The following DICER1 variants were observed in gnomAD, a reference collection of about 807,000 sequenced individuals.
The protein encoded by DICER1 is dicer 1, ribonuclease III.
Under a neutral mutation model 194.1 loss-of-function variants are expected in DICER1, and 43 were observed. The observed-to-expected ratio is 0.22, with a 90% confidence interval of 0.17 to 0.29. The LOEUF (loss-of-function observed/expected upper bound fraction) is 0.29, where lower values mean the gene tolerates loss of function less well. DICER1 is among the 10% of genes least tolerant of loss of function. The pLI is 1.00. For missense variants in DICER1, 1,608 were observed against 2,317.0 expected, an observed-to-expected ratio of 0.69 and a Z score of 6.28; for synonymous variants, 832 against 820.5, an observed-to-expected ratio of 1.01 and a Z score of -0.24.
At chr14:95,094,639 T>A (rs938688247) in intron 23 of DICER1, among the ~76,000 whole-genome samples, 8 of 152,228 alleles carry the variant, frequency 5.3e-5, no homozygotes, top group African/African-American at 1.9e-4. Context: ...TTCCTCACTA[T>A]TCCTGGGCTA....
intron 4 of DICER1, among the ~76,000 whole-genome samples, chr14:95,131,226 T>C (rs1030914302): frequency 2.0e-5 from 3 of 152,038 alleles, no homozygotes; most frequent in African/African-American, 7.3e-5. Context: ...GGTTTCACCA[T>C]ATTGGTCAGG....
chr14:95,100,761 G>A (rs117524567), intron 21 of DICER1, among the ~76,000 whole-genome samples: 1 of 152,248 alleles, frequency 6.6e-6, no homozygotes, highest in East Asian at 1.9e-4. Context: ...CTCTTCCCAT[G>A]TAACTCAACT....
rs148955573 is a variant in DICER1 at position 95,096,115 on chromosome 14, G to C, written c.4805C>G (p.Ala1602Gly). 24 of 1,614,206 alleles carry C rather than the reference G, an allele frequency of 1.5e-5. No homozygotes were observed. The African/African-American group carries it at 2.8e-4, about 19-fold the overall frequency. The change falls in exon 23 of 27, where the codon GCC (alanine) becomes GGC (glycine). Residue 1602 changes from alanine (A) to glycine (G), a missense_variant. Physicochemically the swap from Ala to Gly is moderately conservative, Grantham distance 60. Transcript: ENST00000343455. ...GAAATTCTCCCGAGTAGGGCACAGG[G>C]CCTTTTCCCGATCAGTCCTTTTAAT... ...PVIKRTDREK[A>G]LCPTRENFNS...
At chr14:95,136,322 C>A (rs8012909) in intron 1 of DICER1, among the ~76,000 whole-genome samples, 89,376 of 152,048 alleles carry the variant, frequency 0.59, 28,512 homozygotes, top group South Asian at 0.77. Flanking sequence ...TAGCCATGCT[C>A]AACTCAGCGT....
chr14:95,088,045 CTTTTTTA>C lies in DICER1; in HGVS notation c.*2446_*2452del, dbSNP rs1889480343. On this transcript the variant is annotated 3_prime_UTR_variant, in exon 27 of 27. Coordinates refer to ENST00000343455, the MANE Select transcript of DICER1 (RefSeq NM_177438.3). The stretch of plus-strand genomic sequence containing the variant: ...AACCATTTCATATGTCTAACTCGTA[CTTTTTTA>C]TTTTTTAACTCAGTAACCAGGGGAT... 1 of 232,632 alleles carries C rather than the reference CTTTTTTA, an allele frequency of 4.3e-6. No homozygotes were observed. The highest frequency in any genetic ancestry group is 2.2e-5 in the African/African-American group (1 of 45,244). 14.4% of individuals were successfully genotyped at this position (232,632 alleles called of 1,614,324 possible).
intron 8 of DICER1, 66 bp from the exon 9 acceptor site, chr14:95,117,820 G>C: frequency 6.6e-7 from 1 of 1,526,366 alleles, no homozygotes; most frequent in Non-Finnish European, 9.0e-7. Context: ...TGTTTTTAAA[G>C]CCTCCTTTAA....
At chr14:95,111,003 T>A (rs1891905219) in intron 14 of DICER1, among the ~76,000 whole-genome samples, 1 of 152,266 alleles carries the variant, frequency 6.6e-6, no homozygotes, top group South Asian at 2.1e-4. Flanking sequence ...ATCACACCAC[T>A]AAACTGAATG....
chr14:95,113,690 G>A (rs10131508), intron 11 of DICER1, among the ~76,000 whole-genome samples: 4,213 of 152,278 alleles, frequency 0.028, 195 homozygotes, highest in African/African-American at 0.095. Context: ...GGACAGCCCA[G>A]TGCTGACACA....
chr14:95,114,827 C>A (rs973121847), intron 11 of DICER1, among the ~76,000 whole-genome samples: 8 of 152,050 alleles, frequency 5.3e-5, no homozygotes, highest in Non-Finnish European at 1.0e-4. Context: ...AAATTTGTAA[C>A]CTGGGTCTCA....
At chr14:95,108,262 T>A (rs956339949) in intron 15 of DICER1, 62 bp downstream of exon 15, 1 of 1,527,024 alleles carries the variant, frequency 6.5e-7, no homozygotes, top group East Asian at 2.2e-5. Context: ...TACTAGTTTT[T>A]TTTTTTTTCC....
At chr14:95,126,770 G>A in intron 6 of DICER1, 22 bp from the exon 7 acceptor site, 1 of 1,469,472 alleles carries the variant, frequency 6.8e-7, no homozygotes, top group Non-Finnish European at 9.3e-7. Context: ...GAAACAAAAG[G>A]TATCAATACT....
At chr14:95,134,485 T>C (rs1434273837) in intron 1 of DICER1, 1 of 152,236 alleles carries the variant, frequency 6.6e-6, no homozygotes, top group Non-Finnish European at 1.5e-5. Context: ...GGAGTGTTCA[T>C]TGCTATTACT....
At chr14:95,099,973 A>T (rs1595354155) in intron 21 of DICER1, 38 bp from the exon 22 acceptor site, 1 of 1,611,052 alleles carries the variant, frequency 6.2e-7, no homozygotes, top group East Asian at 2.2e-5. Context: ...TCCATAAATG[A>T]TCACTGCTGG....
At position 95,107,942 on chromosome 14, in the gene DICER1, G is replaced by C; in HGVS notation, c.2588C>G (p.Pro863Arg). 1 of 1,613,996 alleles carries C rather than the reference G, an allele frequency of 6.2e-7. No individual in the cohort carries two copies. Among genetic ancestry groups the C allele is most frequent in the Non-Finnish European group, 8.5e-7 (1 of 1,179,954 alleles). Residue 863 changes from proline (P) to arginine (R), a missense_variant, in exon 16 of 27, where the codon CCT becomes CGT. This residue lies in a region of DICER1 where 150 missense variants were observed against 216.0 expected (regional missense o/e 0.69). Coordinates refer to ENST00000343455, the MANE Select transcript of DICER1 (RefSeq NM_177438.3). Reference sequence around the variant, plus strand: ...GTCTGTAGGTTTAAATTCTAGTGCAGGTTTTTCAAGCCGAAGAATATGTGA... The same window carrying C: ...GTCTGTAGGTTTAAATTCTAGTGCACGTTTTTCAAGCCGAAGAATATGTGA... ...IFSHILRLEK[P>R]ALEFKPTDAD...
Position 95,105,260 on chromosome 14 carries a change from G to C in DICER1, c.3094-14C>G, listed in dbSNP as rs1288560003. The stretch of plus-strand genomic sequence containing the variant: ...TGGAACCAGTATCTTCAAGTAAGGG[G>C]AAAAATGGACAGATAAATACAAAGC... On this transcript the variant is annotated splice_polypyrimidine_tract_variant and intron_variant, in intron 19 of 26. Transcript: ENST00000343455. This position sits in a 1 kb window ranked among gnomAD's most constrained non-coding sequence, Gnocchi z 4.9. The C allele has an allele frequency of 6.2e-7, 1 of 1,605,968 alleles. No homozygotes were observed. The highest frequency in any genetic ancestry group is 1.7e-5 in the Admixed American group (1 of 59,654).
intron 6 of DICER1, chr14:95,129,227 AG>A (rs1893737356): frequency 8.9e-6 from 4 of 449,912 alleles, no homozygotes; most frequent in Non-Finnish European, 1.6e-5. Context: ...AACAGCAAAT[AG>A]GAAGAGCTGA....
chr14:95,108,290 T>A (rs762747307), intron 15 of DICER1, 34 bp downstream of exon 15: 2 of 1,600,550 alleles, frequency 1.2e-6, no homozygotes, highest in Non-Finnish European at 1.7e-6. Context: ...AAGCAAGACG[T>A]TTTTGACATA....
intron 24 of DICER1, among the ~76,000 whole-genome samples, chr14:95,092,780 G>C (rs1202148393): frequency 6.6e-6 from 1 of 152,208 alleles, no homozygotes; most frequent in African/African-American, 2.4e-5. Context: ...CATCCAAAGA[G>C]AGCTTAAATC....
intron 24 of DICER1, chr14:95,091,568 A>G: frequency 1.7e-6 from 1 of 571,638 alleles, no homozygotes; most frequent in Non-Finnish European, 3.0e-6. Flanking sequence ...TCAAGAAAAA[A>G]AGAAAAAATA....
Sources: allele counts gnomAD v4.1 joint callset (sites outside exome capture counted in the v4.1 genomes callset), GRCh38; gene constraint gnomAD v4.1.1; regional missense constraint gnomAD v4.1.1; non-coding constraint Gnocchi (gnomAD v3.1); transcripts MANE v1.5; gene names NCBI Gene and HGNC (gene_info 2026-07-23, HGNC 2026-07-21).